The following ARL13B variants were observed in gnomAD, a reference collection of about 807,000 sequenced individuals.
The protein encoded by ARL13B is ARF like GTPase 13B.
A neutral mutation model predicts 56.1 loss-of-function variants in ARL13B; 36 were observed. That is an observed-to-expected ratio of 0.64 (90% CI 0.49 to 0.85). ARL13B has a LOEUF of 0.85. ARL13B is among the 40% of genes least tolerant of loss of function. The pLI, the probability that ARL13B is intolerant of heterozygous loss-of-function variation, is 0.00. For synonymous variants in ARL13B, 178 were observed against 171.1 expected (o/e 1.04, Z -0.32); for missense variants, 519 against 507.1 (o/e 1.02, Z -0.23).
Position 94,055,311 on chromosome 3 carries a change from A to C in ARL13B, c.*2048A>C, listed in dbSNP as rs2077126397. The stretch of plus-strand genomic sequence containing the variant: ...GTTTCTCTTTTCAATTGGTAGATTT[A>C]AATGATTTCCTTTGGGTAATAAAAT... On this transcript the variant is annotated 3_prime_UTR_variant, in exon 10 of 10. Transcript: ENST00000394222. 4.7e-6 allele frequency: 2 copies of C among 422,502 alleles called. No individual in the cohort carries two copies. Among genetic ancestry groups the C allele is most frequent in the Non-Finnish European group, 9.3e-6 (2 of 215,100 alleles). 26.2% of individuals were successfully genotyped at this position (422,502 alleles called of 1,614,324 possible).
intron 3 of ARL13B, among the ~76,000 whole-genome samples, chr3:94,030,231 T>A (rs1047556286): frequency 6.6e-6 from 1 of 152,048 alleles, no homozygotes; most frequent in African/African-American, 2.4e-5. Flanking sequence ...AATATTTTTT[T>A]ATTTTTATTT....
intron 5 of ARL13B, among the ~76,000 whole-genome samples, chr3:94,038,486 CTT>C (rs773096232): frequency 8.9e-4 from 29 of 32,690 alleles, no homozygotes; most frequent in Non-Finnish European, 1.7e-3. Context: ...GTGTTTCTTT[CTT>C]TTTTTTTTTT....
At chr3:94,042,107 A>G (rs1410335817) in intron 6 of ARL13B, among the ~76,000 whole-genome samples, 1 of 152,232 alleles carries the variant, frequency 6.6e-6, no homozygotes, top group Non-Finnish European at 1.5e-5. Context: ...TGCTGGCAAT[A>G]AAAATTTTAA....
rs1407577675 is a variant in ARL13B, at chr3:94,043,432, T to A, written c.1024+192T>A. Among the ~76,000 whole-genome samples, 3 of 151,250 alleles carry A rather than the reference T, an allele frequency of 2.0e-5. No individual in the cohort carries two copies. In the East Asian group the frequency reaches 5.9e-4, roughly 30 times the overall value. On this transcript the variant is annotated intron_variant, in intron 7 of 9. Transcript: ENST00000394222. ...GTTCCTAACCTGTTTTTCCATGACT[T>A]AAAATGTGGTCCTTTGTAACTTATA...
chr3:94,003,322 T>C (rs541826169), intron 2 of ARL13B, among the ~76,000 whole-genome samples: 3 of 152,266 alleles, frequency 2.0e-5, no homozygotes, highest in African/African-American at 7.2e-5. Flanking sequence ...ATGGCTATGG[T>C]ATTGAAAGGT....
At chr3:94,014,822 TAA>T in intron 3 of ARL13B, 1 of 1,614,124 alleles carries the variant, frequency 6.2e-7, no homozygotes, top group Non-Finnish European at 8.5e-7. Context: ...TCATTGTATA[TAA>T]ACATGATTTG....
chr3:94,006,785 A>G (rs115633951), intron 3 of ARL13B, among the ~76,000 whole-genome samples: 13 of 152,228 alleles, frequency 8.5e-5, no homozygotes, highest in Non-Finnish European at 1.3e-4. Context: ...TTCCATGCAG[A>G]TAAGAAATTC....
At chr3:93,990,533 G>A (rs563495443) in intron 1 of ARL13B, among the ~76,000 whole-genome samples, 110 of 152,166 alleles carry the variant, frequency 7.2e-4, no homozygotes, top group African/African-American at 2.6e-3. Context: ...TTTGATTGCA[G>A]CCTGTCACAT....
chr3:93,984,908 G>T (rs1710375022), intron 1 of ARL13B, among the ~76,000 whole-genome samples: 1 of 152,054 alleles, frequency 6.6e-6, no homozygotes, highest in African/African-American at 2.4e-5. Context: ...TACTTGGGGG[G>T]CTGAGGCAGG....
At chr3:93,987,775 A>G (rs1710539475) in intron 1 of ARL13B, among the ~76,000 whole-genome samples, 2 of 151,840 alleles carry the variant, frequency 1.3e-5, no homozygotes, top group East Asian at 3.9e-4. Context: ...CAGCCTCCCA[A>G]GTAACTGGGA....
chr3:94,045,950 CAAA>C (rs1199964643), intron 7 of ARL13B, among the ~76,000 whole-genome samples: 1 of 44,434 alleles, frequency 2.3e-5, no homozygotes, highest in Non-Finnish European at 4.1e-5. Context: ...GACTCCATCA[CAAA>C]AAAAAAAAAA....
chr3:94,031,394 T>A (rs1282368872), intron 3 of ARL13B, among the ~76,000 whole-genome samples: 1 of 152,162 alleles, frequency 6.6e-6, no homozygotes, highest in Non-Finnish European at 1.5e-5. Flanking sequence ...TTTTAGTCTT[T>A]AAAATGCCAT....
Position 94,003,717 on chromosome 3 carries a change from A to G in ARL13B, c.189A>G (p.Gly63=). 2 of 1,613,636 alleles carry G rather than the reference A, an allele frequency of 1.2e-6. No homozygotes were observed. Among genetic ancestry groups the G allele is most frequent in the Non-Finnish European group, 1.7e-6 (2 of 1,179,684 alleles). The change falls in exon 3 of 10, where the codon GGA becomes GGG. Residue 63 remains glycine (G), a synonymous_variant. Transcript: ENST00000394222. The part of the protein sequence containing the change: ...VGFSKINLRQ[G]KFEVTIFDLG... ...TTTCAAAAATTAACCTTAGACAAGG[A>G]AAGTTTGAAGTCACCATCTTTGACT...
chr3:94,016,383 G>A (rs2107497350), intron 3 of ARL13B, among the ~76,000 whole-genome samples: 1 of 152,216 alleles, frequency 6.6e-6, no homozygotes, highest in African/African-American at 2.4e-5. Flanking sequence ...TAATCTGGAT[G>A]TTGTCATAGG....
chr3:94,034,689 A>T (rs1239107346), intron 3 of ARL13B, among the ~76,000 whole-genome samples: 1 of 152,152 alleles, frequency 6.6e-6, no homozygotes, highest in Non-Finnish European at 1.5e-5. Flanking sequence ...TTTTAAGAAG[A>T]TAAGAATATA....
intron 2 of ARL13B, among the ~76,000 whole-genome samples, chr3:93,998,429 C>G (rs2076001525): frequency 6.6e-6 from 1 of 152,144 alleles, no homozygotes; most frequent in Non-Finnish European, 1.5e-5. Context: ...TCGAGCCCCA[C>G]TCCCCATTCT....
At chr3:94,016,282 A>G (rs2076331835) in intron 3 of ARL13B, among the ~76,000 whole-genome samples, 2 of 152,076 alleles carry the variant, frequency 1.3e-5, no homozygotes, top group African/African-American at 4.8e-5. Flanking sequence ...CACATATAAT[A>G]TTAATATCAA....
At chr3:94,044,578 ATC>A (rs2076944233) in intron 7 of ARL13B, among the ~76,000 whole-genome samples, 1 of 95,148 alleles carries the variant, frequency 1.1e-5, no homozygotes, top group Non-Finnish European at 2.1e-5. Context: ...CCGCCACCGC[ATC>A]TGGGAGGTGA....
chr3:94,025,423 A>T (rs1174825932), intron 3 of ARL13B, among the ~76,000 whole-genome samples: 1 of 152,178 alleles, frequency 6.6e-6, no homozygotes, highest in Non-Finnish European at 1.5e-5. Flanking sequence ...TGGTTTATGG[A>T]TCCTATGCCT....
Sources: allele counts gnomAD v4.1 joint callset (sites outside exome capture counted in the v4.1 genomes callset), GRCh38; gene constraint gnomAD v4.1.1; transcripts MANE v1.5; gene names NCBI Gene and HGNC (gene_info 2026-07-23, HGNC 2026-07-21).